Variants in CAMKK2 observed in about 807,000 individuals in gnomAD.
CAMKK2 encodes the protein calcium/calmodulin-dependent protein kinase kinase 2.
In CAMKK2, 30 loss-of-function variants were observed where a neutral mutation model predicts 67.2. That is an observed-to-expected ratio of 0.45 (90% CI 0.33 to 0.61). The LOEUF is 0.61. Among genes scored for constraint, CAMKK2 ranks in the 20% least tolerant of loss-of-function variants. The pLI is 0.02. For missense variants in CAMKK2, 643 were observed against 802.0 expected (o/e 0.80, Z 2.39); for synonymous variants, 322 against 326.2 (o/e 0.99, Z 0.14).
intron 4 of CAMKK2, 64 bp downstream of exon 4, chr12:121,269,464 G>A (rs367898028): frequency 9.2e-5 from 117 of 1,272,180 alleles, no homozygotes; most frequent in Non-Finnish European, 1.3e-4. Flanking sequence ...AGGAAGCTGA[G>A]TGCTGGAAAG....
rs776076026 is a variant in CAMKK2, at chr12:121,240,914, C to T, written c.1597-45G>A. The T allele has an allele frequency of 5.6e-6, 9 of 1,599,158 alleles. No homozygotes were observed. Among genetic ancestry groups the T allele is most frequent in the African/African-American group, 1.3e-5 (1 of 74,558 alleles). On this transcript the variant is annotated intron_variant, in intron 16 of 16. Transcript: ENST00000404169. This position sits in a 1 kb window ranked among gnomAD's most constrained non-coding sequence, Gnocchi z 4.4. Reference sequence around the variant, plus strand: ...CCAACATTAAGACTCTGAGAAATGCCAGCGAGGCCCTGAGCCAGCTGCTCC... The same window carrying T: ...CCAACATTAAGACTCTGAGAAATGCTAGCGAGGCCCTGAGCCAGCTGCTCC...
chr12:121,279,802 G>T (rs1316866779), intron 1 of CAMKK2, among the ~76,000 whole-genome samples: 1 of 152,230 alleles, frequency 6.6e-6, no homozygotes, highest in African/African-American at 2.4e-5. Context: ...TCCTGGAGCA[G>T]ATGGACCCGG....
chr12:121,248,843 G>C, intron 13 of CAMKK2, 109 bp from the exon 14 acceptor site: 1 of 1,320,972 alleles, frequency 7.6e-7, no homozygotes, highest in Non-Finnish European at 1.1e-6. Flanking sequence ...AAGGGCCTGT[G>C]GTCAGGCATG....
At chr12:121,287,793 A>G (rs1335220266) in intron 1 of CAMKK2, among the ~76,000 whole-genome samples, 1 of 151,906 alleles carries the variant, frequency 6.6e-6, no homozygotes, top group Non-Finnish European at 1.5e-5. Context: ...ACACAGCAAG[A>G]CCCCATCACC....
chr12:121,290,110 G>A (rs779563577), intron 1 of CAMKK2, among the ~76,000 whole-genome samples: 3 of 152,126 alleles, frequency 2.0e-5, no homozygotes, highest in African/African-American at 4.8e-5. Flanking sequence ...TAATTGTTCC[G>A]CAAAGATCAC....
At chr12:121,242,942 C>G (rs966141151) in intron 16 of CAMKK2, among the ~76,000 whole-genome samples, 1 of 151,994 alleles carries the variant, frequency 6.6e-6, no homozygotes, top group African/African-American at 2.4e-5. Flanking sequence ...CGGGGTTTCA[C>G]TGTGTTAGCC....
intron 9 of CAMKK2, among the ~76,000 whole-genome samples, chr12:121,255,304 T>TATATATATATATAATTA (rs1891870229): frequency 0.018 from 108 of 5,872 alleles, 1 homozygote; most frequent in Middle Eastern, 0.17. Context: ...ATATATAATT[T>TATATATATATATAATTA]TATATATAAT....
rs1167669086 is a variant in CAMKK2, at chr12:121,248,686, C to G, written c.1372G>C (p.Asp458His). 3.1e-6 allele frequency: 5 copies of G among 1,614,090 alleles called. No homozygotes were observed. The stretch of plus-strand genomic sequence containing the variant: ...ACTTCGACCAGCGTGCAGTTCTCAT[C>G]CTCCGACGGCAACGGCTCCGCCCCA... Reference protein sequence around the residue: ...RHGAEPLPSEDENCTLVEVTE... With the variant: ...RHGAEPLPSEHENCTLVEVTE... The change falls in exon 14 of 17, where the codon GAT becomes CAT. Residue 458 changes from aspartate to histidine, a missense_variant. Around this residue, in one of 3 missense-constraint regions of CAMKK2, gnomAD observed 483 missense variants for 625.8 expected, o/e 0.77. Coordinates refer to ENST00000404169, the MANE Select transcript of CAMKK2 (RefSeq NM_001270485.2).
At chr12:121,249,924 C>G in intron 12 of CAMKK2, 37 bp downstream of exon 12, 4 of 1,613,254 alleles carry the variant, frequency 2.5e-6, no homozygotes, top group Non-Finnish European at 3.4e-6. Flanking sequence ...GCCAAGAACT[C>G]GGACAGGAGA....
intron 9 of CAMKK2, among the ~76,000 whole-genome samples, chr12:121,254,789 C>G (rs11065508): frequency 0.19 from 29,578 of 152,116 alleles, 3,389 homozygotes; most frequent in African/African-American, 0.29. Context: ...CTCTCTGCAG[C>G]TGGCCCTGAT....
In CAMKK2 at chr12:121,240,696, C is replaced by G. The variant is rs200831782; in HGVS notation, c.*3G>C. The G allele has an allele frequency of 6.3e-7, 1 of 1,595,346 alleles. No homozygotes were observed. Among genetic ancestry groups the G allele is most frequent in the Non-Finnish European group, 8.5e-7 (1 of 1,174,346 alleles). On this transcript the variant is annotated 3_prime_UTR_variant, in exon 17 of 17. Transcript: ENST00000404169. This position sits in a 1 kb window ranked among gnomAD's most constrained non-coding sequence, Gnocchi z 4.4. ...CGCATGCGAGGTCGAGCGATCCAGG[C>G]AGCTACTCGGGCTCCATGGCCTCCT... is the stretch of plus-strand genomic sequence containing the variant.
chr12:121,256,625 A>G (rs1046502878), intron 7 of CAMKK2, among the ~76,000 whole-genome samples: 1 of 152,160 alleles, frequency 6.6e-6, no homozygotes, highest in Non-Finnish European at 1.5e-5. Context: ...TGTTCTGGAC[A>G]TTTCATATAA....
intron 1 of CAMKK2, among the ~76,000 whole-genome samples, chr12:121,274,871 G>T (rs1381898839): frequency 6.8e-6 from 1 of 146,494 alleles, no homozygotes; most frequent in Admixed American, 7.0e-5. Flanking sequence ...ACAGTGGTGC[G>T]ATCATAGCTC....
chr12:121,255,208 ATATATATAATTT>A (rs1891648267), intron 9 of CAMKK2, among the ~76,000 whole-genome samples: 1 of 27,416 alleles, frequency 3.6e-5, no homozygotes, highest in Non-Finnish European at 5.9e-5. Flanking sequence ...ATATATAATT[ATATATATAATTT>A]TATATATATA....
In CAMKK2 at chr12:121,260,387, CG is replaced by C. The variant is rs1253953678; in HGVS notation, c.760-33del. On this transcript the variant is annotated intron_variant, in intron 6 of 16. Transcript: ENST00000404169. ...ACAGCCACATGGAATAGGCAGGAGA[CG>C]GATGGCGGGGGAGAAAAAGAGAGAA... 3 of 1,605,352 alleles carry C rather than the reference CG, an allele frequency of 1.9e-6. No homozygotes were observed. The African/African-American group carries it at 4.0e-5, about 21-fold the overall frequency.
At chr12:121,241,285 G>A (rs1261791529) in intron 16 of CAMKK2, among the ~76,000 whole-genome samples, 1 of 152,194 alleles carries the variant, frequency 6.6e-6, no homozygotes, top group African/African-American at 2.4e-5. Flanking sequence ...CTTGTCCTCA[G>A]TCACCAGATG....
chr12:121,270,252 C>G (rs1039645295), intron 3 of CAMKK2, among the ~76,000 whole-genome samples: 4 of 151,920 alleles, frequency 2.6e-5, no homozygotes, highest in Non-Finnish European at 5.9e-5. Flanking sequence ...CACCTGTACT[C>G]CCAACTACTT....
Position 121,274,484 on chromosome 12 carries a change from C to T in CAMKK2, c.43G>A (p.Ala15Thr), listed in dbSNP as rs779276966. 1.6e-5 allele frequency: 26 copies of T among 1,612,442 alleles called. No homozygotes were observed. Among genetic ancestry groups the T allele is most frequent in the East Asian group, 1.3e-4 (6 of 44,882 alleles). The change falls in exon 2 of 17, where the codon GCC becomes ACC. Residue 15 changes from alanine (A) to threonine (T), a missense_variant. Coordinates refer to ENST00000404169, the MANE Select transcript of CAMKK2 (RefSeq NM_001270485.2). ...CTGCCCCCCAGCTCATCCTGGGGGGCGGCCCGGTTGCTGCTGGGCTGGCTA... is the reference window on the plus strand; with the variant it reads ...CTGCCCCCCAGCTCATCCTGGGGGGTGGCCCGGTTGCTGCTGGGCTGGCTA... Reference protein sequence around the residue: ...VSSQPSSNRAAPQDELGGRGS... With the variant: ...VSSQPSSNRATPQDELGGRGS...
intron 2 of CAMKK2, 69 bp from the exon 3 acceptor site, chr12:121,271,014 T>G: frequency 6.7e-5 from 87 of 1,299,328 alleles, no homozygotes; most frequent in Non-Finnish European, 9.1e-5. Context: ...GCACGGTGGC[T>G]CACACCTACA....
Sources: gnomAD v4.1 joint callset for allele counts (sites outside exome capture counted in the v4.1 genomes callset) on GRCh38, gnomAD v4.1.1 for gene constraint, gnomAD v4.1.1 regional missense constraint, Gnocchi (gnomAD v3.1) non-coding constraint, MANE v1.5 for transcripts, NCBI Gene and HGNC (gene_info 2026-07-23, HGNC 2026-07-21) for gene names.